Variants in AFG2A observed in about 807,000 individuals in gnomAD.
The protein encoded by AFG2A is ATPase family gene 2 protein homolog A.
At chr4:123,005,350 C>T in the AFG2A span, among the ~76,000 whole-genome samples, 1 of 152,072 alleles carries the variant, frequency 6.6e-6, no homozygotes, top group Non-Finnish European at 1.5e-5. Flanking sequence ...GGGTTTTCGC[C>T]ATGTTAGCTG....
At chr4:123,061,586 C>T in the AFG2A span, among the ~76,000 whole-genome samples, 2 of 152,092 alleles carry the variant, frequency 1.3e-5, no homozygotes, top group Non-Finnish European at 2.9e-5. Flanking sequence ...CTCCATGATT[C>T]GATTACCTCC....
chr4:123,048,542 A>G, the AFG2A span, among the ~76,000 whole-genome samples: 1 of 152,104 alleles, frequency 6.6e-6, no homozygotes, highest in Non-Finnish European at 1.5e-5. Flanking sequence ...GTTTTCATCA[A>G]TGTTTTATAT....
the AFG2A span, among the ~76,000 whole-genome samples, chr4:123,134,451 A>G: frequency 6.6e-6 from 1 of 152,000 alleles, no homozygotes; most frequent in African/African-American, 2.4e-5. Context: ...GTCCTATTCC[A>G]TTCGTTGATG....
the AFG2A span, among the ~76,000 whole-genome samples, chr4:123,170,923 C>A: frequency 6.6e-6 from 1 of 152,054 alleles, no homozygotes; most frequent in African/African-American, 2.4e-5. Context: ...GGTTATTAAC[C>A]CACCTATTTA....
the AFG2A span, among the ~76,000 whole-genome samples, chr4:122,980,478 A>G: frequency 6.6e-6 from 1 of 152,182 alleles, no homozygotes; most frequent in Admixed American, 6.5e-5. Context: ...GAGAGTGCAG[A>G]TATCGCTTTG....
the AFG2A span, among the ~76,000 whole-genome samples, chr4:123,028,899 C>T: frequency 5.3e-5 from 8 of 152,060 alleles, no homozygotes; most frequent in East Asian, 1.9e-4. Context: ...TGCTTCGCCC[C>T]GATTAACTGG....
the AFG2A span, among the ~76,000 whole-genome samples, chr4:123,124,439 G>A: frequency 6.6e-6 from 1 of 152,196 alleles, no homozygotes; most frequent in African/African-American, 2.4e-5. Flanking sequence ...ATTGAACAAT[G>A]AGAACACTTG....
At chr4:122,998,232 C>A in the AFG2A span, among the ~76,000 whole-genome samples, 1 of 152,032 alleles carries the variant, frequency 6.6e-6, no homozygotes, top group Non-Finnish European at 1.5e-5. Context: ...AATCCAAGGG[C>A]TTTAAGGTTT....
At chr4:123,135,722 A>G in the AFG2A span, among the ~76,000 whole-genome samples, 1 of 152,228 alleles carries the variant, frequency 6.6e-6, no homozygotes, top group Non-Finnish European at 1.5e-5. Flanking sequence ...TGGGATAGGC[A>G]TAGGTTATAT....
the AFG2A span, among the ~76,000 whole-genome samples, chr4:123,007,601 T>TG: frequency 4.2e-5 from 1 of 24,028 alleles, no homozygotes; most frequent in African/African-American, 2.8e-4. Context: ...TGTGTGTGTG[T>TG]GTGTGTGTAT....
the AFG2A span, chr4:122,927,735 A>C: frequency 6.2e-7 from 1 of 1,613,014 alleles, no homozygotes; most frequent in South Asian, 1.1e-5. Context: ...AGTGTTGCTT[A>C]CTAGTTTGAA....
At chr4:123,050,956 G>A in the AFG2A span, among the ~76,000 whole-genome samples, 1 of 152,000 alleles carries the variant, frequency 6.6e-6, no homozygotes. Context: ...GGTCAGGTTG[G>A]TCTCAAACTC....
At chr4:122,934,170 G>A in the AFG2A span, 2 of 1,614,178 alleles carry the variant, frequency 1.2e-6, no homozygotes, top group Non-Finnish European at 1.7e-6. Flanking sequence ...TGCAAGTATT[G>A]CGAGTGAAAG....
chr4:123,033,219 A>G, the AFG2A span, among the ~76,000 whole-genome samples: 1 of 152,214 alleles, frequency 6.6e-6, no homozygotes, highest in African/African-American at 2.4e-5. Context: ...TGATTTTAAG[A>G]AGGTTAAGTG....
chr4:122,932,793 C>T, the AFG2A span, among the ~76,000 whole-genome samples: 3 of 152,140 alleles, frequency 2.0e-5, no homozygotes, highest in African/African-American at 7.2e-5. Context: ...TCATTGTAAC[C>T]ATTACTCCTC....
the AFG2A span, among the ~76,000 whole-genome samples, chr4:123,166,976 C>T: frequency 2.6e-5 from 4 of 152,006 alleles, no homozygotes; most frequent in Admixed American, 2.6e-4. Context: ...GGTATTGGTT[C>T]TGCCACTCAT....
chr4:123,156,101 C>T, the AFG2A span, among the ~76,000 whole-genome samples: 3 of 152,072 alleles, frequency 2.0e-5, no homozygotes, highest in Non-Finnish European at 2.9e-5. Context: ...ATGTTAAACT[C>T]GTGTATGTAA....
chr4:123,308,633 C>A, the AFG2A span, among the ~76,000 whole-genome samples: 1 of 152,184 alleles, frequency 6.6e-6, no homozygotes, highest in African/African-American at 2.4e-5. Context: ...CTCCTCCGCC[C>A]CCTGTCCATG....
At chr4:122,989,474 A>G in the AFG2A span, among the ~76,000 whole-genome samples, 20 of 152,086 alleles carry the variant, frequency 1.3e-4, no homozygotes, top group East Asian at 3.3e-3. Context: ...GCCTGTGTCT[A>G]TGGGGGTGAT....
Sources: gnomAD v4.1 joint callset for allele counts (sites outside exome capture counted in the v4.1 genomes callset) on GRCh38, gnomAD v4.1.1 for gene constraint, MANE v1.5 for transcripts, NCBI Gene and HGNC (gene_info 2026-07-23, HGNC 2026-07-21) for gene names.